The following CCSER1 variants were observed in gnomAD, a reference collection of about 807,000 sequenced individuals.
CCSER1 encodes serine-rich coiled-coil domain-containing protein 1.
Under a neutral mutation model 82.0 loss-of-function variants are expected in CCSER1, and 41 were observed. The ratio of observed to expected loss-of-function variants is 0.50; its 90% CI spans 0.39 to 0.65. CCSER1 has a LOEUF of 0.65. CCSER1 is among the 30% of genes least tolerant of loss of function. The probability of loss-of-function intolerance (pLI) is 0.00; values close to 1 mark genes in which losing one functional copy is unlikely to be tolerated. For synonymous variants in CCSER1, 414 were observed against 383.9 expected (o/e 1.08, Z -0.92); for missense variants, 1,119 against 1,064.2 (o/e 1.05, Z -0.72).
At chr4:90,577,262 AT>A (rs140570379) in intron 5 of CCSER1, among the ~76,000 whole-genome samples, 9 of 151,978 alleles carry the variant, frequency 5.9e-5, no homozygotes, top group African/African-American at 1.4e-4. Flanking sequence ...GTAGGAGGCG[AT>A]TTTTTTCCAA....
At chr4:90,972,438 TA>T (rs537148626) in intron 9 of CCSER1, among the ~76,000 whole-genome samples, 3 of 151,224 alleles carry the variant, frequency 2.0e-5, no homozygotes, top group South Asian at 2.1e-4. Context: ...TCATAAGAAA[TA>T]AAAAAAACTT....
At chr4:90,433,872 AT>A (rs1440994767) in intron 4 of CCSER1, among the ~76,000 whole-genome samples, 1 of 139,390 alleles carries the variant, frequency 7.2e-6, no homozygotes, top group Non-Finnish European at 1.5e-5. Flanking sequence ...TCCTGGAGAT[AT>A]ATATATATAT....
chr4:90,585,059 G>C (rs1262387734), intron 5 of CCSER1, among the ~76,000 whole-genome samples: 4 of 152,116 alleles, frequency 2.6e-5, no homozygotes, highest in Non-Finnish European at 5.9e-5. Context: ...AATTGAGAAT[G>C]AACAAAGGAA....
In CCSER1 at chr4:91,301,583, TTAAG is replaced by T. The variant is rs1391106845; in HGVS notation, c.2217+215594_2217+215597del. Among the ~76,000 whole-genome samples the T allele has an allele frequency of 4.0e-5, 6 of 151,268 alleles. 1 individual carries two copies. The highest frequency in any genetic ancestry group is 1.4e-4 in the African/African-American group (6 of 41,402). On this transcript the variant is annotated intron_variant, in intron 10 of 10. Coordinates refer to ENST00000509176, the MANE Select transcript of CCSER1 (RefSeq NM_001145065.2). The stretch of plus-strand genomic sequence containing the variant: ...GTACAAAATAGAACAGAGGGATATA[TTAAG>T]TAAGAACTTTGTGCTCCCTTGTGGT...
intron 5 of CCSER1, among the ~76,000 whole-genome samples, chr4:90,580,358 C>G (rs780625976): frequency 7.2e-5 from 11 of 152,098 alleles, no homozygotes; most frequent in African/African-American, 1.7e-4. Context: ...GTGTTGGCAA[C>G]CAGAGAAACT....
intron 5 of CCSER1, among the ~76,000 whole-genome samples, chr4:90,557,591 G>T (rs1252018491): frequency 6.6e-6 from 1 of 151,946 alleles, no homozygotes; most frequent in East Asian, 1.9e-4. Context: ...ATCATCAGAA[G>T]CAACTACTTT....
intron 8 of CCSER1, among the ~76,000 whole-genome samples, chr4:90,843,502 T>G (rs1297826406): frequency 3.3e-5 from 5 of 152,198 alleles, no homozygotes; most frequent in Non-Finnish European, 5.9e-5. Context: ...TTTAAAATTT[T>G]TAAGATTTGA....
At chr4:90,647,142 G>C (rs1727745491) in intron 6 of CCSER1, among the ~76,000 whole-genome samples, 1 of 152,210 alleles carries the variant, frequency 6.6e-6, no homozygotes, top group East Asian at 1.9e-4. Flanking sequence ...TTATTATAAT[G>C]AGAATTTTTA....
chr4:90,801,369 AG>A (rs1429118259), intron 7 of CCSER1, among the ~76,000 whole-genome samples: 1 of 152,216 alleles, frequency 6.6e-6, no homozygotes, highest in Non-Finnish European at 1.5e-5. Context: ...AGTAAAACAT[AG>A]TTTTGTACAA....
At chr4:90,231,956 C>T (rs551031465) in intron 1 of CCSER1, among the ~76,000 whole-genome samples, 6 of 151,300 alleles carry the variant, frequency 4.0e-5, no homozygotes, top group Admixed American at 2.0e-4. Context: ...CAAACCACTG[C>T]TCAAGGAAAT....
At chr4:91,533,198 A>G (rs576115215) in intron 10 of CCSER1, among the ~76,000 whole-genome samples, 125 of 152,196 alleles carry the variant, frequency 8.2e-4, no homozygotes, top group Non-Finnish European at 1.6e-3. Context: ...GGATTATTTT[A>G]TATCATTTTA....
intron 1 of CCSER1, among the ~76,000 whole-genome samples, chr4:90,266,726 G>T (rs773998499): frequency 1.3e-5 from 2 of 152,046 alleles, no homozygotes; most frequent in Non-Finnish European, 2.9e-5. Flanking sequence ...CATGGAGGGA[G>T]CATTTAGACT....
At chr4:91,301,987 G>A (rs183489005) in intron 10 of CCSER1, among the ~76,000 whole-genome samples, 315 of 147,830 alleles carry the variant, frequency 2.1e-3, no homozygotes, top group African/African-American at 7.1e-3. Flanking sequence ...TCCTTCCTTC[G>A]TTTATTTCCT....
At chr4:90,619,620 T>G (rs1721937134) in intron 5 of CCSER1, among the ~76,000 whole-genome samples, 1 of 152,050 alleles carries the variant, frequency 6.6e-6, no homozygotes, top group Admixed American at 6.6e-5. Context: ...TTCTGTCAGT[T>G]TTAGTGCTCT....
At chr4:91,483,501 T>A (rs944764511) in intron 10 of CCSER1, among the ~76,000 whole-genome samples, 3 of 151,904 alleles carry the variant, frequency 2.0e-5, no homozygotes, top group African/African-American at 7.3e-5. Flanking sequence ...AATGGGGTGA[T>A]CTTGGCTCAC....
intron 10 of CCSER1, among the ~76,000 whole-genome samples, chr4:91,480,432 A>G (rs1346725356): frequency 6.6e-6 from 1 of 151,994 alleles, no homozygotes; most frequent in Non-Finnish European, 1.5e-5. Flanking sequence ...AATGATCACC[A>G]TTCTAACTGG....
At chr4:90,153,905 G>A (rs868439524) in intron 1 of CCSER1, among the ~76,000 whole-genome samples, 1 of 152,028 alleles carries the variant, frequency 6.6e-6, no homozygotes, top group African/African-American at 2.4e-5. Flanking sequence ...GTCAATTTTG[G>A]CTTTTGTTGC....
At chr4:90,521,036 A>T (rs553686091) in intron 5 of CCSER1, among the ~76,000 whole-genome samples, 1 of 152,346 alleles carries the variant, frequency 6.6e-6, no homozygotes, top group African/African-American at 2.4e-5. Context: ...TGACACTTTC[A>T]TTTTAAAAAA....
At chr4:91,258,747 G>A (rs1211244795) in intron 10 of CCSER1, among the ~76,000 whole-genome samples, 19 of 151,920 alleles carry the variant, frequency 1.3e-4, no homozygotes. Context: ...AATCCATTAT[G>A]CTTATTTTTA....
Sources: gnomAD v4.1 joint callset for allele counts (sites outside exome capture counted in the v4.1 genomes callset) on GRCh38, gnomAD v4.1.1 for gene constraint, MANE v1.5 for transcripts, NCBI Gene and HGNC (gene_info 2026-07-23, HGNC 2026-07-21) for gene names.